The following INVS variants were observed in gnomAD, a reference collection of about 807,000 sequenced individuals.
INVS encodes the protein inversion of embryo turning homolog.
In INVS, 86 loss-of-function variants were observed where a neutral mutation model predicts 108.8. The ratio of observed to expected loss-of-function variants is 0.79; its 90% confidence interval spans 0.66 to 0.95. The LOEUF (loss-of-function observed/expected upper bound fraction) is 0.95. INVS is among the 40% of genes least tolerant of loss of function. The probability of loss-of-function intolerance (pLI) is 0.00; values close to 1 mark genes in which losing one functional copy is unlikely to be tolerated. For missense variants in INVS, 1,169 were observed against 1,297.4 expected, an observed-to-expected ratio of 0.90 and a Z score of 1.52; for synonymous variants, 455 against 473.5, an observed-to-expected ratio of 0.96 and a Z score of 0.51.
chr9:100,148,319 A>G (rs1828693865), intron 3 of INVS, among the ~76,000 whole-genome samples: 1 of 152,230 alleles, frequency 6.6e-6, no homozygotes, highest in African/African-American at 2.4e-5. Context: ...GAAAGCTTTT[A>G]TTATGTACCT....
intron 3 of INVS, among the ~76,000 whole-genome samples, chr9:100,177,016 A>G (rs544951568): frequency 9.9e-5 from 15 of 151,508 alleles, no homozygotes; most frequent in Non-Finnish European, 2.2e-4. Flanking sequence ...AAAAGCAGCC[A>G]AAGAAAAAGA....
intron 2 of INVS, chr9:100,120,430 C>T: frequency 5.7e-6 from 1 of 175,212 alleles, no homozygotes; most frequent in Admixed American, 5.5e-5. Flanking sequence ...TAAATCACCT[C>T]ATTGTCATAA....
intron 3 of INVS, among the ~76,000 whole-genome samples, chr9:100,198,967 A>G (rs948822867): frequency 6.6e-6 from 1 of 152,176 alleles, no homozygotes; most frequent in Non-Finnish European, 1.5e-5. Flanking sequence ...TGTGTTGTCC[A>G]CATTCGCAGA....
At chr9:100,294,496 T>C (rs1320307371) in intron 14 of INVS, among the ~76,000 whole-genome samples, 2 of 152,180 alleles carry the variant, frequency 1.3e-5, no homozygotes, top group Admixed American at 6.5e-5. Context: ...AGTCCTCTCA[T>C]GCCTGACCCC....
chr9:100,271,607 G>T (rs1294032933), intron 11 of INVS, among the ~76,000 whole-genome samples: 6 of 152,200 alleles, frequency 3.9e-5, no homozygotes, highest in African/African-American at 1.4e-4. Flanking sequence ...ATATGAAAGA[G>T]CCTGACTCTC....
At chr9:100,206,358 GT>G (rs1303656831) in intron 3 of INVS, among the ~76,000 whole-genome samples, 3 of 151,726 alleles carry the variant, frequency 2.0e-5, no homozygotes, top group East Asian at 1.9e-4. Context: ...AAAATTTTAA[GT>G]TTTTTTTCTT....
intron 5 of INVS, among the ~76,000 whole-genome samples, chr9:100,236,084 T>C (rs900041508): frequency 2.0e-5 from 3 of 152,236 alleles, no homozygotes; most frequent in Non-Finnish European, 4.4e-5. Context: ...TAACCTTGTC[T>C]TCATGCTTTA....
intron 13 of INVS, among the ~76,000 whole-genome samples, chr9:100,286,122 C>T (rs978217630): frequency 6.6e-6 from 1 of 152,166 alleles, no homozygotes; most frequent in Non-Finnish European, 1.5e-5. Context: ...ATACTTTCTA[C>T]ACCACAAGGT....
chr9:100,300,948 T>G lies in INVS; in HGVS notation c.*274T>G. On this transcript the variant is annotated 3_prime_UTR_variant, in exon 17 of 17. Coordinates refer to ENST00000262457, the MANE Select transcript of INVS (RefSeq NM_014425.5). ...CTGAGTGTCTGCTTTCACCTCAGTC[T>G]GTACAGTTGGAAATGAGAATTCATA... 1 of 456,096 alleles carries G rather than the reference T, an allele frequency of 2.2e-6. No individual in the cohort carries two copies. The highest frequency in any genetic ancestry group is 4.1e-5 in the East Asian group (1 of 24,682). The allele number at this position is 456,096 out of a possible 1,614,324, so 28.3% of individuals were successfully genotyped here.
Position 100,284,589 on chromosome 9 carries a change from C to T in INVS, c.2054C>T (p.Ser685Phe). 1 of 1,613,482 alleles carries T rather than the reference C, an allele frequency of 6.2e-7. No homozygotes were observed. The highest frequency in any genetic ancestry group is 8.5e-7 in the Non-Finnish European group (1 of 1,179,706). ...TCCTCAGATTTGCAGGGAACAAACT[C>T]CAGAAGGCCAAATGGTAGGTGTATT... ...HVSSDLQGTN[S>F]RRPNETAREH... Residue 685 changes from serine to phenylalanine, a missense_variant, in exon 13 of 17, where the codon TCC becomes TTC. Physicochemically the swap from Ser to Phe is radical, Grantham distance 155. Around this residue, in one of 3 missense-constraint regions of INVS, gnomAD observed 533 missense variants for 536.0 expected, o/e 0.99. Transcript: ENST00000262457.
At chr9:100,211,991 A>G (rs534049596) in intron 3 of INVS, among the ~76,000 whole-genome samples, 3 of 152,360 alleles carry the variant, frequency 2.0e-5, no homozygotes, top group African/African-American at 7.2e-5. Flanking sequence ...AAGCCTTGAC[A>G]ATCAGAAGTT....
At chr9:100,244,720 T>C (rs900430186) in intron 7 of INVS, among the ~76,000 whole-genome samples, 2 of 152,186 alleles carry the variant, frequency 1.3e-5, no homozygotes, top group African/African-American at 4.8e-5. Flanking sequence ...TTACAACTCG[T>C]TCCTTGAAAA....
intron 2 of INVS, among the ~76,000 whole-genome samples, chr9:100,119,606 G>A (rs572897096): frequency 8.5e-5 from 13 of 152,298 alleles, no homozygotes; most frequent in South Asian, 2.1e-4. Context: ...ACCCAGGCTC[G>A]AGTGCAGTGG....
chr9:100,215,151 G>A (rs972190532), intron 3 of INVS: 1 of 152,146 alleles, frequency 6.6e-6, no homozygotes, highest in African/African-American at 2.4e-5. Context: ...TGGTCATTAT[G>A]GATATTTATG....
At chr9:100,114,950 CT>C (rs1588009447) in intron 2 of INVS, among the ~76,000 whole-genome samples, 2 of 152,238 alleles carry the variant, frequency 1.3e-5, no homozygotes, top group African/African-American at 4.8e-5. Flanking sequence ...GCTTTTATTT[CT>C]CCTGAGTAAA....
chr9:100,259,139 C>T (rs1832524935), intron 10 of INVS, among the ~76,000 whole-genome samples: 1 of 152,204 alleles, frequency 6.6e-6, no homozygotes, highest in Non-Finnish European at 1.5e-5. Flanking sequence ...CCTCCCCCAG[C>T]CTCGCTGCTG....
chr9:100,198,035 G>A (rs568046267), intron 3 of INVS, among the ~76,000 whole-genome samples: 3 of 152,160 alleles, frequency 2.0e-5, no homozygotes, highest in South Asian at 4.1e-4. Context: ...GCCAGAAACC[G>A]TGGACAAAAA....
chr9:100,125,182 G>T (rs1827844671), intron 2 of INVS, among the ~76,000 whole-genome samples: 1 of 152,124 alleles, frequency 6.6e-6, no homozygotes, highest in Non-Finnish European at 1.5e-5. Flanking sequence ...CTCTCTAATT[G>T]GAAAGGGGTA....
chr9:100,227,547 G>A (rs542423343), intron 4 of INVS, among the ~76,000 whole-genome samples: 1 of 152,262 alleles, frequency 6.6e-6, no homozygotes, highest in Admixed American at 6.5e-5. Context: ...ACTTCAACAA[G>A]TTCAAGATGA....
Sources: allele counts gnomAD v4.1 joint callset (sites outside exome capture counted in the v4.1 genomes callset), GRCh38; gene constraint gnomAD v4.1.1; regional missense constraint gnomAD v4.1.1; transcripts MANE v1.5; gene names NCBI Gene and HGNC (gene_info 2026-07-23, HGNC 2026-07-21).